Variants in PIK3AP1 observed in about 807,000 individuals in gnomAD.
PIK3AP1 encodes phosphoinositide-3-kinase adaptor protein 1, also known as phosphoinositide 3-kinase adapter protein 1.
PIK3AP1 carries 21 observed loss-of-function variants against 88.1 expected under a neutral mutation model. That is an observed-to-expected ratio of 0.24 (90% CI 0.17 to 0.34). The LOEUF is 0.34. PIK3AP1 is among the 10% of genes least tolerant of loss of function. The pLI is 1.00. For missense variants in PIK3AP1, 828 were observed against 1,035.7 expected (o/e 0.80, Z 2.75); for synonymous variants, 398 against 400.0 (o/e 1.00, Z 0.06).
At position 96,709,632 on chromosome 10, in the gene PIK3AP1, T is replaced by C; in HGVS notation, c.365A>G (p.Gln122Arg). The stretch of plus-strand genomic sequence containing the variant: ...TGGCTCATCGTCACAGGTGAGCTCC[T>C]GCCAATGGGCCCAATCTGGAAAGAA... ...LDFFPDWAHW[Q>R]ELTCDDEPET... Residue 122 changes from glutamine (Q) to arginine (R), a missense_variant, in exon 2 of 17, where the codon CAG (glutamine) becomes CGG (arginine). Transcript: ENST00000339364. The C allele has an allele frequency of 1.2e-6, 2 of 1,614,256 alleles. No homozygotes were observed. Among genetic ancestry groups the C allele is most frequent in the Non-Finnish European group, 1.7e-6 (2 of 1,180,040 alleles).
At chr10:96,709,473 T>G in intron 2 of PIK3AP1, 94 bp downstream of exon 2, 1,326 of 1,390,736 alleles carry the variant, frequency 9.5e-4, no homozygotes, top group Non-Finnish European at 1.2e-3. Flanking sequence ...CTTAACATAG[T>G]GAGATCCCCG....
intron 16 of PIK3AP1, among the ~76,000 whole-genome samples, chr10:96,600,926 TC>T (rs1848878468): frequency 6.6e-6 from 1 of 152,192 alleles, no homozygotes; most frequent in African/African-American, 2.4e-5. Flanking sequence ...GACCACTTTT[TC>T]CGTTACTCCA....
intron 4 of PIK3AP1, among the ~76,000 whole-genome samples, 164 bp downstream of exon 4, chr10:96,652,534 C>T (rs1589516476): frequency 6.6e-6 from 1 of 151,774 alleles, no homozygotes; most frequent in African/African-American, 2.4e-5. Context: ...GATCATGCCA[C>T]TGCACTCCAG....
chr10:96,657,507 C>G (rs1260966511), intron 2 of PIK3AP1, among the ~76,000 whole-genome samples: 1 of 152,182 alleles, frequency 6.6e-6, no homozygotes, highest in African/African-American at 2.4e-5. Flanking sequence ...GGAGCATGCA[C>G]AGAGTCAGGG....
rs548284929 is a variant in PIK3AP1, at chr10:96,712,730, G to A, written c.14-2747C>T. Among the ~76,000 whole-genome samples, 16 of 152,350 alleles carry A rather than the reference G, an allele frequency of 1.1e-4. No homozygotes were observed. The South Asian group carries it at 3.3e-3, about 32-fold the overall frequency. On this transcript the variant is annotated intron_variant, in intron 1 of 16. Transcript: ENST00000339364. ...TGTTATTGCAGATGTGCGTGCATGGGCACGAGCCATCAGGTAGGACAGGTG... is the reference window on the plus strand; with the variant it reads ...TGTTATTGCAGATGTGCGTGCATGGACACGAGCCATCAGGTAGGACAGGTG...
intron 2 of PIK3AP1, among the ~76,000 whole-genome samples, chr10:96,673,707 G>A (rs1010210354): frequency 2.6e-5 from 4 of 152,144 alleles, no homozygotes; most frequent in Non-Finnish European, 5.9e-5. Flanking sequence ...ACTGGTGTGA[G>A]GACGGACAAA....
intron 2 of PIK3AP1, among the ~76,000 whole-genome samples, chr10:96,698,600 G>C (rs928225285): frequency 6.6e-6 from 1 of 152,182 alleles, no homozygotes; most frequent in African/African-American, 2.4e-5. Context: ...GGGTGCAGTG[G>C]TGCATGCCTG....
chr10:96,654,891 G>A (rs1054163299), intron 3 of PIK3AP1, among the ~76,000 whole-genome samples: 4 of 152,216 alleles, frequency 2.6e-5, no homozygotes, highest in African/African-American at 9.7e-5. Flanking sequence ...AAAGGAGTGA[G>A]ATAGGCCTTG....
chr10:96,598,150 T>C (rs11592791), intron 16 of PIK3AP1, among the ~76,000 whole-genome samples: 28,286 of 151,332 alleles, frequency 0.19, 3,188 homozygotes, highest in Admixed American at 0.3. Context: ...CTCAAGCAAT[T>C]TGCCCACCTC....
At chr10:96,695,164 C>T (rs1175150345) in intron 2 of PIK3AP1, among the ~76,000 whole-genome samples, 1 of 152,144 alleles carries the variant, frequency 6.6e-6, no homozygotes, top group Non-Finnish European at 1.5e-5. Context: ...AGGCTTTGAG[C>T]AAGGATATTC....
At chr10:96,658,617 G>A (rs1207537538) in intron 2 of PIK3AP1, among the ~76,000 whole-genome samples, 1 of 152,160 alleles carries the variant, frequency 6.6e-6, no homozygotes, top group Non-Finnish European at 1.5e-5. Flanking sequence ...CTAGAGTGGA[G>A]GTCCCGTCCC....
intron 2 of PIK3AP1, among the ~76,000 whole-genome samples, chr10:96,666,069 C>T (rs1843756264): frequency 6.6e-6 from 1 of 151,980 alleles, no homozygotes; most frequent in Non-Finnish European, 1.5e-5. Flanking sequence ...GGAGTTGGGA[C>T]AGAACAATAA....
At chr10:96,639,802 G>A (rs1181945300) in intron 8 of PIK3AP1, among the ~76,000 whole-genome samples, 1 of 152,216 alleles carries the variant, frequency 6.6e-6, no homozygotes, top group African/African-American at 2.4e-5. Context: ...GGAGGCTCCT[G>A]AGAGAAAAGG....
At chr10:96,692,830 G>A (rs904077408) in intron 2 of PIK3AP1, among the ~76,000 whole-genome samples, 7 of 152,082 alleles carry the variant, frequency 4.6e-5, no homozygotes, top group Non-Finnish European at 1.0e-4. Context: ...TTAATGTTCA[G>A]TTTTGTTTTT....
intron 8 of PIK3AP1, chr10:96,632,747 A>C: frequency 6.7e-6 from 7 of 1,043,404 alleles, no homozygotes; most frequent in Non-Finnish European, 9.5e-6. Context: ...AGTGTCTCAC[A>C]GGATGATTAG....
At chr10:96,639,284 C>G (rs993725355) in intron 8 of PIK3AP1, among the ~76,000 whole-genome samples, 2 of 152,148 alleles carry the variant, frequency 1.3e-5, no homozygotes, top group Admixed American at 6.5e-5. Context: ...TTTCTGGTAG[C>G]TCAAATTCAA....
chr10:96,660,239 T>C (rs1203804867), intron 2 of PIK3AP1, among the ~76,000 whole-genome samples: 1 of 151,880 alleles, frequency 6.6e-6, no homozygotes, highest in Non-Finnish European at 1.5e-5. Flanking sequence ...GTACCCAAAA[T>C]ATACAAAGAA....
chr10:96,636,533 G>C (rs1843315123), intron 8 of PIK3AP1, among the ~76,000 whole-genome samples: 1 of 152,186 alleles, frequency 6.6e-6, no homozygotes, highest in Non-Finnish European at 1.5e-5. Context: ...TCTGTTTCTA[G>C]ACAAAGAGCA....
intron 10 of PIK3AP1, among the ~76,000 whole-genome samples, chr10:96,625,464 A>C (rs1307046277): frequency 6.6e-6 from 1 of 152,258 alleles, no homozygotes; most frequent in Non-Finnish European, 1.5e-5. Context: ...CTGGCAGTAC[A>C]TAATATCTCA....
Sources: gnomAD v4.1 joint callset for allele counts (sites outside exome capture counted in the v4.1 genomes callset) on GRCh38, gnomAD v4.1.1 for gene constraint, MANE v1.5 for transcripts, NCBI Gene and HGNC (gene_info 2026-07-23, HGNC 2026-07-21) for gene names.